The following CRPPA variants were observed in gnomAD, a reference collection of about 807,000 sequenced individuals.
CRPPA encodes the protein D-ribitol-5-phosphate cytidylyltransferase.
CRPPA carries 43 observed loss-of-function variants against 52.0 expected under a neutral mutation model. The observed-to-expected ratio is 0.83, with a 90% confidence interval of 0.65 to 1.07. The LOEUF is 1.07. CRPPA is among the 50% of genes least tolerant of loss of function. The pLI, the probability that CRPPA is intolerant of heterozygous loss-of-function variation, is 0.00. For missense variants in CRPPA, 629 were observed against 551.7 expected (o/e 1.14, Z -1.40); for synonymous variants, 250 against 203.5 (o/e 1.23, Z -1.94).
At chr7:16,223,987 C>T (rs963693099) in intron 8 of CRPPA, among the ~76,000 whole-genome samples, 3 of 152,070 alleles carry the variant, frequency 2.0e-5, no homozygotes, top group African/African-American at 7.2e-5. Context: ...CTCACATATA[C>T]ATAAAAAAGA....
At chr7:16,326,339 C>T (rs1470001537) in intron 3 of CRPPA, among the ~76,000 whole-genome samples, 1 of 152,114 alleles carries the variant, frequency 6.6e-6, no homozygotes, top group Non-Finnish European at 1.5e-5. Flanking sequence ...TTAGCTTTCA[C>T]TGTGATGATA....
At chr7:16,293,340 A>G (rs1784601143) in intron 5 of CRPPA, among the ~76,000 whole-genome samples, 1 of 51,306 alleles carries the variant, frequency 1.9e-5, no homozygotes, top group Admixed American at 2.1e-4. Flanking sequence ...AGATGTTTCA[A>G]GTTGTAACCA....
intron 3 of CRPPA, among the ~76,000 whole-genome samples, chr7:16,371,923 A>T (rs909983308): frequency 6.6e-6 from 1 of 152,188 alleles, no homozygotes; most frequent in Non-Finnish European, 1.5e-5. Flanking sequence ...AATGCAGTGG[A>T]AAGTTTCAAC....
At chr7:16,403,955 C>G (rs950360103) in intron 2 of CRPPA, among the ~76,000 whole-genome samples, 1 of 152,186 alleles carries the variant, frequency 6.6e-6, no homozygotes, top group Non-Finnish European at 1.5e-5. Flanking sequence ...GGAGTTTCAA[C>G]TGACTCCACC....
chr7:16,241,972 G>GT (rs1194310482), intron 8 of CRPPA, among the ~76,000 whole-genome samples: 615 of 25,714 alleles, frequency 0.024, 26 homozygotes, highest in African/African-American at 0.047. Context: ...TTTTTTTGTT[G>GT]GGGGGAGATA....
chr7:16,254,377 G>A (rs1441152100), intron 8 of CRPPA, among the ~76,000 whole-genome samples: 1 of 152,076 alleles, frequency 6.6e-6, no homozygotes. Context: ...AGAAAATGTG[G>A]CACATATACA....
intron 9 of CRPPA, among the ~76,000 whole-genome samples, chr7:16,092,546 A>C (rs1386852803): frequency 6.6e-6 from 1 of 152,112 alleles, no homozygotes; most frequent in Non-Finnish European, 1.5e-5. Context: ...ATCCATATAC[A>C]TTGAGATAAG....
At chr7:16,414,632 C>A (rs1254794297) in intron 1 of CRPPA, among the ~76,000 whole-genome samples, 3 of 152,172 alleles carry the variant, frequency 2.0e-5, no homozygotes, top group Admixed American at 2.0e-4. Flanking sequence ...AAACTCAGGT[C>A]ACAAAGCGAT....
At chr7:16,153,972 A>G (rs1207482370) in intron 9 of CRPPA, among the ~76,000 whole-genome samples, 1 of 151,410 alleles carries the variant, frequency 6.6e-6, no homozygotes, top group East Asian at 1.9e-4. Flanking sequence ...ACAATTACAG[A>G]CTTTCATTAG....
rs987693916 is a variant in CRPPA at position 16,088,783 on chromosome 7, G to C, written c.*2912C>G. 1 of 160,266 alleles carries C rather than the reference G, an allele frequency of 6.2e-6. No homozygotes were observed. Among genetic ancestry groups the C allele is most frequent in the Non-Finnish European group, 1.4e-5 (1 of 71,960 alleles). 9.9% of individuals were successfully genotyped at this position (160,266 alleles called of 1,614,324 possible). A position where few individuals can be genotyped will look rare whatever the true frequency, so the allele number is the denominator to read the frequency against. ...ACTTCTATTCATTCCCTTAACTTTA[G>C]CTACAATTTCTTTATGCTGGGAAGG... On this transcript the variant is annotated 3_prime_UTR_variant, in exon 10 of 10. Coordinates refer to ENST00000407010, the MANE Select transcript of CRPPA (RefSeq NM_001101426.4).
chr7:16,329,380 TG>T (rs66564549), intron 3 of CRPPA, among the ~76,000 whole-genome samples: 41,595 of 152,018 alleles, frequency 0.27, 5,865 homozygotes, highest in Admixed American at 0.33. Context: ...TTATTAAAAT[TG>T]TAAGTGAAGT....
chr7:16,195,586 T>C (rs1032110927), intron 9 of CRPPA, among the ~76,000 whole-genome samples: 2 of 151,956 alleles, frequency 1.3e-5, no homozygotes, highest in African/African-American at 2.4e-5. Flanking sequence ...TCTAAGAAAG[T>C]GCAGCAATAC....
chr7:16,374,611 T>G (rs572488377), intron 3 of CRPPA, among the ~76,000 whole-genome samples: 36 of 152,280 alleles, frequency 2.4e-4, no homozygotes, highest in African/African-American at 8.2e-4. Flanking sequence ...AAATTCCAAG[T>G]CTTCTCATCA....
At chr7:16,167,022 G>A (rs978317217) in intron 9 of CRPPA, among the ~76,000 whole-genome samples, 2 of 151,278 alleles carry the variant, frequency 1.3e-5, no homozygotes, top group Non-Finnish European at 2.9e-5. Context: ...TCTGCCTCCC[G>A]GGTTCACACC....
chr7:16,384,011 G>A (rs529802435), intron 2 of CRPPA, among the ~76,000 whole-genome samples: 3 of 152,256 alleles, frequency 2.0e-5, no homozygotes, highest in East Asian at 1.9e-4. Flanking sequence ...ACTGTCCTGC[G>A]CCCACTGTCT....
intron 9 of CRPPA, among the ~76,000 whole-genome samples, chr7:16,117,529 G>A (rs1782399928): frequency 1.3e-5 from 2 of 152,206 alleles, no homozygotes; most frequent in Admixed American, 1.3e-4. Context: ...AGCAGCCCTG[G>A]CTGGAAACCT....
intron 9 of CRPPA, among the ~76,000 whole-genome samples, chr7:16,138,622 G>A (rs1310656247): frequency 6.6e-6 from 1 of 152,032 alleles, no homozygotes; most frequent in East Asian, 1.9e-4. Context: ...TAATTTGATG[G>A]CTTTGATATA....
At chr7:16,323,337 G>T (rs922741668) in intron 3 of CRPPA, among the ~76,000 whole-genome samples, 10 of 151,976 alleles carry the variant, frequency 6.6e-5, no homozygotes, top group Admixed American at 6.5e-4. Context: ...CCTACTAAGG[G>T]GTAAAATAAA....
chr7:16,218,029 G>A (rs1782379729), intron 8 of CRPPA, among the ~76,000 whole-genome samples: 1 of 151,502 alleles, frequency 6.6e-6, no homozygotes, highest in Non-Finnish European at 1.5e-5. Context: ...AAATGTTAAG[G>A]GCAGCCAGAG....
Sources: allele counts gnomAD v4.1 joint callset (sites outside exome capture counted in the v4.1 genomes callset), GRCh38; gene constraint gnomAD v4.1.1; transcripts MANE v1.5; gene names NCBI Gene and HGNC (gene_info 2026-07-23, HGNC 2026-07-21).